MCCC1: variants seen among roughly 807,000 people sequenced by gnomAD.
MCCC1 encodes the protein methylcrotonyl-CoA carboxylase subunit 1, also known as methylcrotonoyl-CoA carboxylase subunit alpha, mitochondrial.
MCCC1 carries 64 observed loss-of-function variants against 83.8 expected under a neutral mutation model. The observed-to-expected ratio is 0.76, with a 90% CI of 0.62 to 0.94. The LOEUF is 0.94. Ranked by LOEUF, MCCC1 falls within the 40% of genes least tolerant of loss-of-function variation. The pLI is 0.00. For missense variants in MCCC1, 807 were observed against 904.7 expected (o/e 0.89, Z 1.39); for synonymous variants, 322 against 315.4 (o/e 1.02, Z -0.22).
At chr3:183,034,254 T>G (rs1200618038) in intron 13 of MCCC1, among the ~76,000 whole-genome samples, 177 bp from the exon 14 acceptor site, 1 of 151,908 alleles carries the variant, frequency 6.6e-6, no homozygotes, top group Non-Finnish European at 1.5e-5. Context: ...ATCGAGACCA[T>G]CCTAGCTAAC....
At chr3:183,062,272 G>T (rs1715893530) in intron 7 of MCCC1, among the ~76,000 whole-genome samples, 1 of 152,010 alleles carries the variant, frequency 6.6e-6, no homozygotes, top group South Asian at 2.1e-4. Flanking sequence ...CTACAGCAGG[G>T]ATTCCAGGTT....
Position 183,015,620 on chromosome 3 carries a change from G to A in MCCC1, c.2050-54C>T, listed in dbSNP as rs1711551524. On this transcript the variant is annotated intron_variant, in intron 18 of 18. Transcript: ENST00000265594. Reference sequence around the variant, plus strand: ...TAGCTGCAATACTAATGAGGACTGAGTATACACCAAGTCAAGAAAGGGAGA... The same window carrying A: ...TAGCTGCAATACTAATGAGGACTGAATATACACCAAGTCAAGAAAGGGAGA... The A allele has an allele frequency of 3.7e-6, 6 of 1,609,792 alleles. No homozygotes were observed. The African/African-American group carries it at 5.3e-5, about 14-fold the overall frequency.
intron 4 of MCCC1, among the ~76,000 whole-genome samples, chr3:183,084,159 G>A (rs1328846753): frequency 6.6e-6 from 1 of 152,234 alleles, no homozygotes; most frequent in Admixed American, 6.5e-5. Context: ...AGCCTTCTGA[G>A]TAGCTGGGAT....
intron 1 of MCCC1, among the ~76,000 whole-genome samples, chr3:183,105,793 A>T (rs939057271): frequency 2.0e-5 from 3 of 152,194 alleles, no homozygotes; most frequent in Admixed American, 6.5e-5. Context: ...AGTGTCACAA[A>T]AGACTGCCAA....
chr3:183,031,808 C>CT (rs36037059), intron 14 of MCCC1, among the ~76,000 whole-genome samples: 4 of 140,560 alleles, frequency 2.8e-5, no homozygotes, highest in Non-Finnish European at 3.1e-5. Flanking sequence ...CTTCTGGTAT[C>CT]TTTTTTTTTT....
chr3:183,041,862 T>C, intron 10 of MCCC1, 112 bp from the exon 11 acceptor site: 2 of 1,202,800 alleles, frequency 1.7e-6, no homozygotes, highest in South Asian at 1.3e-5. Flanking sequence ...GGTTTTGCAA[T>C]GCAGCCAAAT....
chr3:183,107,180 G>A (rs1447707557), intron 1 of MCCC1, among the ~76,000 whole-genome samples: 2 of 151,988 alleles, frequency 1.3e-5, no homozygotes, highest in Admixed American at 6.6e-5. Context: ...TGAGGCGGAC[G>A]GATCATTTGA....
At chr3:183,047,244 C>G (rs1714623710) in intron 9 of MCCC1, among the ~76,000 whole-genome samples, 1 of 152,108 alleles carries the variant, frequency 6.6e-6, no homozygotes, top group Non-Finnish European at 1.5e-5. Flanking sequence ...TACTGTCCAC[C>G]CTAAGGGGTG....
intron 9 of MCCC1, among the ~76,000 whole-genome samples, chr3:183,049,451 G>C (rs929964673): frequency 6.6e-6 from 1 of 151,490 alleles, no homozygotes; most frequent in Non-Finnish European, 1.5e-5. Flanking sequence ...TGCACCTGTA[G>C]TTCCCAGCTA....
chr3:183,101,843 C>T (rs534789323), upstream of MCCC1, among the ~76,000 whole-genome samples: 3 of 152,134 alleles, frequency 2.0e-5, no homozygotes, highest in South Asian at 6.2e-4. Flanking sequence ...CTGAGCCCAG[C>T]GAGACCACGA....
At position 183,113,631 on chromosome 3, in the gene MCCC1, A is replaced by G. The variant is rs532835528; in HGVS notation, c.-102+1843T>C. Among the ~76,000 whole-genome samples, 3 of 151,986 alleles carry G rather than the reference A, an allele frequency of 2.0e-5. No individual in the cohort carries two copies. In the South Asian group the frequency reaches 6.3e-4, roughly 32 times the overall value. On this transcript the variant is annotated intron_variant, in intron 1 of 17. Transcript: ENST00000492597. ...GGTGGGAGGTTCCCTTAAGTCCAGG[A>G]GGTCAAGGCTGCAATGAGCTGTGAT...
chr3:183,079,160 CAT>C (rs1430655419), intron 4 of MCCC1, among the ~76,000 whole-genome samples: 4 of 152,206 alleles, frequency 2.6e-5, no homozygotes, highest in African/African-American at 9.6e-5. Flanking sequence ...CATGTCCTCA[CAT>C]TTTGAAACCA....
intron 4 of MCCC1, among the ~76,000 whole-genome samples, chr3:183,077,310 T>C (rs1717148861): frequency 6.6e-6 from 1 of 152,198 alleles, no homozygotes; most frequent in African/African-American, 2.4e-5. Flanking sequence ...TTTGAGAAAC[T>C]GCAAAACTGT....
chr3:183,038,976 G>T, intron 12 of MCCC1, 50 bp downstream of exon 12: 1 of 1,516,258 alleles, frequency 6.6e-7, no homozygotes, highest in Non-Finnish European at 9.2e-7. Flanking sequence ...GCTGACCTCT[G>T]GTGCTGACCA....
intron 3 of MCCC1, 26 bp downstream of exon 3, chr3:183,092,383 C>T (rs747583722): frequency 3.7e-6 from 6 of 1,613,890 alleles, no homozygotes; most frequent in East Asian, 2.2e-5. Context: ...AAACGTAAGA[C>T]GTGGCTTCCA....
chr3:183,086,710 TG>T lies in MCCC1; in HGVS notation c.351del (p.Lys118ArgfsTer33). The part of the protein sequence containing the change: ...YLSMEKIIQV[A>X]KTSAAQAIHP... ...ACCCTCACCTGTGCAGCAGAGGTCT[TG>T]GCCACTTGAATGATTTTCTCCATAG... On this transcript the variant is annotated frameshift_variant, in exon 4 of 19. Transcript: ENST00000265594. LOFTEE classifies it high-confidence loss of function. The T allele has an allele frequency of 6.2e-7, 1 of 1,614,182 alleles. No individual in the cohort carries two copies. Among genetic ancestry groups the T allele is most frequent in the Non-Finnish European group, 8.5e-7 (1 of 1,180,022 alleles).
At chr3:183,093,203 T>A (rs1467102116) in intron 2 of MCCC1, among the ~76,000 whole-genome samples, 1 of 152,184 alleles carries the variant, frequency 6.6e-6, no homozygotes, top group Non-Finnish European at 1.5e-5. Flanking sequence ...CAATACTAAC[T>A]AATCTTTAAT....
At chr3:183,086,628 G>T in intron 4 of MCCC1, 65 bp downstream of exon 4, 2 of 1,427,246 alleles carry the variant, frequency 1.4e-6, no homozygotes, top group Non-Finnish European at 2.0e-6. Flanking sequence ...ATTTCTATAA[G>T]TAACTTTGCA....
chr3:183,064,599 C>T lies in MCCC1; in HGVS notation c.761+6400G>A, dbSNP rs1160516946. Among the ~76,000 whole-genome samples, 1 of 152,182 alleles carries T rather than the reference C, an allele frequency of 6.6e-6. No individual in the cohort carries two copies. Among genetic ancestry groups the T allele is most frequent in the Non-Finnish European group, 1.5e-5 (1 of 68,024 alleles). On this transcript the variant is annotated intron_variant, in intron 7 of 18. Coordinates refer to ENST00000265594, the MANE Select transcript of MCCC1 (RefSeq NM_020166.5). This position sits in a 1 kb window ranked among gnomAD's most constrained non-coding sequence, Gnocchi z 4.5. ...ACCAGCGGGCTGCACGCCAGCTCCC[C>T]GGTTCGCCGGCTGCGGTACGCCTCC...
Sources: gnomAD v4.1 joint callset for allele counts (sites outside exome capture counted in the v4.1 genomes callset) on GRCh38, gnomAD v4.1.1 for gene constraint, Gnocchi (gnomAD v3.1) non-coding constraint, MANE v1.5 for transcripts, NCBI Gene and HGNC (gene_info 2026-07-23, HGNC 2026-07-21) for gene names.